The following STK3 variants were observed in gnomAD, a reference collection of about 807,000 sequenced individuals.
STK3 encodes the protein serine/threonine kinase 3, also known as serine/threonine-protein kinase 3.
In STK3, 41 loss-of-function variants were observed where a neutral mutation model predicts 58.0. The ratio of observed to expected loss-of-function variants is 0.71; its 90% CI spans 0.55 to 0.92. The LOEUF (loss-of-function observed/expected upper bound fraction) is 0.92. Ranked by LOEUF, STK3 falls within the 40% of genes least tolerant of loss-of-function variation. The probability of loss-of-function intolerance (pLI) is 0.00; values close to 1 mark genes in which losing one functional copy is unlikely to be tolerated. For missense variants in STK3, 479 were observed against 602.7 expected, an observed-to-expected ratio of 0.79 and a Z score of 2.15; for synonymous variants, 170 against 191.0, an observed-to-expected ratio of 0.89 and a Z score of 0.91.
At chr8:98,824,696 A>G (rs1835139461) in intron 1 of STK3, among the ~76,000 whole-genome samples, 1 of 152,184 alleles carries the variant, frequency 6.6e-6, no homozygotes, top group Non-Finnish European at 1.5e-5. Context: ...AAAGTTCCTA[A>G]CTTTTCAATT....
chr8:98,618,496 T>C (rs1205410965), intron 6 of STK3, among the ~76,000 whole-genome samples: 1 of 151,630 alleles, frequency 6.6e-6, no homozygotes, highest in Non-Finnish European at 1.5e-5. Context: ...ATAAAGGGTA[T>C]TCAATTAGGA....
At chr8:98,499,628 C>T (rs1431405499) in intron 10 of STK3, among the ~76,000 whole-genome samples, 4 of 152,142 alleles carry the variant, frequency 2.6e-5, no homozygotes, top group Non-Finnish European at 4.4e-5. Context: ...ACACATATAT[C>T]ATCATAAGCA....
At chr8:98,718,588 T>C (rs983537641) in intron 4 of STK3, among the ~76,000 whole-genome samples, 2 of 152,174 alleles carry the variant, frequency 1.3e-5, no homozygotes, top group Non-Finnish European at 2.9e-5. Flanking sequence ...TCAGTTATGC[T>C]ATAAATGTAA....
chr8:98,774,788 T>A lies in STK3; in HGVS notation c.58A>T (p.Thr20Ser). ...TCAAAAACTTCTTCAGGCTGCTTAG[T>A]CAAACTGTCTTCACTCAGCTTTTTT... is the stretch of plus-strand genomic sequence containing the variant. ...KLKKLSEDSL[T>S]KQPEEVFDVL... Residue 20 changes from threonine (T) to serine (S), a missense_variant, in exon 2 of 11, where the codon ACT becomes TCT. Transcript: ENST00000419617. 1.3e-6 allele frequency: 2 copies of A among 1,584,790 alleles called. No homozygotes were observed. The highest frequency in any genetic ancestry group is 1.7e-6 in the Non-Finnish European group (2 of 1,167,386).
chr8:98,941,595 T>A (rs574792394), intron 1 of STK3, among the ~76,000 whole-genome samples: 3 of 152,352 alleles, frequency 2.0e-5, no homozygotes, highest in South Asian at 4.1e-4. Context: ...TGGGAGAGGC[T>A]GAGAGTCAAC....
upstream of STK3, among the ~76,000 whole-genome samples, chr8:98,829,226 T>G (rs2131777336): frequency 6.6e-6 from 1 of 152,274 alleles, no homozygotes; most frequent in African/African-American, 2.4e-5. Flanking sequence ...TACCTAATTA[T>G]TCCTCCTTCC....
At chr8:98,821,262 G>T (rs1191663370) in intron 1 of STK3, among the ~76,000 whole-genome samples, 1 of 152,126 alleles carries the variant, frequency 6.6e-6, no homozygotes, top group Non-Finnish European at 1.5e-5. Flanking sequence ...AATCTAGGTT[G>T]CACGCTCCTT....
chr8:98,394,294 T>A (rs954788617), intron 3 of STK3, among the ~76,000 whole-genome samples: 1 of 152,228 alleles, frequency 6.6e-6, no homozygotes, highest in African/African-American at 2.4e-5. Flanking sequence ...AGAAAGACTA[T>A]GTAATTTTAA....
chr8:98,650,115 T>A (rs190219281), intron 6 of STK3, among the ~76,000 whole-genome samples: 5 of 152,228 alleles, frequency 3.3e-5, no homozygotes, highest in Non-Finnish European at 5.9e-5. Context: ...AGTCTGATAA[T>A]ATTTTACTGG....
the STK3 span, among the ~76,000 whole-genome samples, chr8:98,353,396 C>G: frequency 6.6e-6 from 1 of 151,956 alleles, no homozygotes; most frequent in South Asian, 2.1e-4. Context: ...GAGGCTGAGG[C>G]GGGAGGATCA....
chr8:98,751,918 C>A (rs1830011185), intron 3 of STK3, among the ~76,000 whole-genome samples: 1 of 151,660 alleles, frequency 6.6e-6, no homozygotes, highest in Admixed American at 6.6e-5. Context: ...CCAGCCTGGG[C>A]AACAGAGCAA....
Position 98,455,667 on chromosome 8 carries a change from G to T in STK3, c.*175C>A. On this transcript the variant is annotated 3_prime_UTR_variant, in exon 11 of 11. Coordinates refer to ENST00000419617, the MANE Select transcript of STK3 (RefSeq NM_006281.4). ...CTCATCTTAGAGTGAATGCACAGCA[G>T]ATACAACTGTCAATTCTGCCTTTTG... 2 of 673,596 alleles carry T rather than the reference G, an allele frequency of 3.0e-6. No individual in the cohort carries two copies. Among genetic ancestry groups the T allele is most frequent in the Non-Finnish European group, 5.0e-6 (2 of 403,324 alleles). 41.7% of individuals were successfully genotyped at this position (673,596 alleles called of 1,614,324 possible).
intron 3 of STK3, among the ~76,000 whole-genome samples, chr8:98,421,602 C>A (rs1029587724): frequency 6.6e-6 from 1 of 151,994 alleles, no homozygotes; most frequent in Non-Finnish European, 1.5e-5. Context: ...ATGGTGAAAC[C>A]TTGTCTCTAC....
At chr8:98,743,967 A>C (rs1045469742) in intron 4 of STK3, among the ~76,000 whole-genome samples, 17 of 152,100 alleles carry the variant, frequency 1.1e-4, no homozygotes, top group African/African-American at 4.1e-4. Flanking sequence ...GCAGCCAAAA[A>C]ACACATGAGA....
Position 98,590,695 on chromosome 8 carries a change from C to T in STK3, c.822+5337G>A, listed in dbSNP as rs539977547. Among the ~76,000 whole-genome samples, 138 of 152,220 alleles carry T rather than the reference C, an allele frequency of 9.1e-4. 3 individuals are homozygous for T. In the South Asian group the frequency reaches 0.028, roughly 31 times the overall value. The stretch of plus-strand genomic sequence containing the variant: ...TTTAACCCAAATTCTTTTAAGTATG[C>T]CTCATGTAGAAACATGAGTTGGATT... On this transcript the variant is annotated intron_variant, in intron 7 of 10. Transcript: ENST00000419617.
intron 1 of STK3, among the ~76,000 whole-genome samples, chr8:98,919,212 T>C (rs1394620249): frequency 6.6e-6 from 1 of 152,194 alleles, no homozygotes; most frequent in Non-Finnish European, 1.5e-5. Context: ...CAAGATCTCA[T>C]CTTAGAAGAG....
chr8:98,547,695 C>T (rs956872948), intron 9 of STK3, among the ~76,000 whole-genome samples: 72 of 152,216 alleles, frequency 4.7e-4, no homozygotes, highest in African/African-American at 1.7e-3. Flanking sequence ...CTATCTTTTT[C>T]TCTCTAAAAT....
intron 3 of STK3, among the ~76,000 whole-genome samples, chr8:98,402,090 G>A (rs1168520094): frequency 6.6e-6 from 1 of 151,978 alleles, no homozygotes; most frequent in Non-Finnish European, 1.5e-5. Context: ...TACTTCCCCA[G>A]GTATAATTGG....
chr8:98,452,256 G>T (rs182027115), downstream of STK3, among the ~76,000 whole-genome samples: 1 of 152,128 alleles, frequency 6.6e-6, no homozygotes, highest in Non-Finnish European at 1.5e-5. Flanking sequence ...GTAAATAAGC[G>T]GAGGAAAAAT....
Sources: gnomAD v4.1 joint callset for allele counts (sites outside exome capture counted in the v4.1 genomes callset) on GRCh38, gnomAD v4.1.1 for gene constraint, MANE v1.5 for transcripts, NCBI Gene and HGNC (gene_info 2026-07-23, HGNC 2026-07-21) for gene names.